The following TRAF3IP1 variants were observed in gnomAD, a reference collection of about 807,000 sequenced individuals.
TRAF3IP1 encodes the protein intraflagellar transport 54.
In TRAF3IP1, 53 loss-of-function variants were observed where a neutral mutation model predicts 89.9. That is an observed-to-expected ratio of 0.59 (90% CI 0.47 to 0.74). TRAF3IP1 has a LOEUF of 0.74. TRAF3IP1 is among the 30% of genes least tolerant of loss of function. TRAF3IP1 has a pLI of 0.00. For synonymous variants in TRAF3IP1, 311 were observed against 322.1 expected (o/e 0.97, Z 0.37); for missense variants, 806 against 866.1 (o/e 0.93, Z 0.87).
rs763410508 is a variant in TRAF3IP1, at chr2:238,344,500, C to T, written c.1163C>T (p.Thr388Ile). 6.2e-7 allele frequency: 1 copy of T among 1,613,554 alleles called. No individual in the cohort carries two copies. The highest frequency in any genetic ancestry group is 8.5e-7 in the Non-Finnish European group (1 of 1,179,494). ...ATTTTAAACTGTTTTATGTCAGGAA[C>T]AAAAGAAGCTAATATTAACTCAACT... is the stretch of plus-strand genomic sequence containing the variant. The part of the protein sequence containing the change: ...NQETTTSEIG[T>I]KEANINSTSI... Residue 388 changes from threonine (T) to isoleucine (I), a missense_variant, in exon 9 of 17, where the codon ACA (threonine) becomes ATA (isoleucine). By Grantham distance (89) the Thr-to-Ile change is moderately conservative (BLOSUM62 -1). Around this residue, in one of 3 missense-constraint regions of TRAF3IP1, gnomAD observed 732 missense variants for 780.5 expected, o/e 0.94. Coordinates refer to ENST00000373327, the MANE Select transcript of TRAF3IP1 (RefSeq NM_015650.4).
intron 10 of TRAF3IP1, among the ~76,000 whole-genome samples, chr2:238,347,721 G>A (rs566915533): frequency 6.6e-5 from 10 of 152,110 alleles, no homozygotes; most frequent in African/African-American, 2.4e-4. Context: ...TCTGCCTCCC[G>A]GGTTCAAGCA....
Position 238,379,692 on chromosome 2 carries a change from G to A in TRAF3IP1, c.1690-17767G>A, listed in dbSNP as rs1234469189. On this transcript the variant is annotated intron_variant, in intron 15 of 16. Transcript: ENST00000373327. This position sits in a 1 kb window ranked among gnomAD's most constrained non-coding sequence, Gnocchi z 4.0. The stretch of plus-strand genomic sequence containing the variant: ...CACATGCCAGCCATTCAGTTCAGTG[G>A]GTCTCTTGTTGCCCAGTAACTACCT... 2.6e-5 allele frequency among the ~76,000 whole-genome samples: 4 copies of A among 152,150 alleles called. No homozygotes were observed. Among genetic ancestry groups the A allele is most frequent in the African/African-American group, 9.7e-5 (4 of 41,436 alleles).
intron 11 of TRAF3IP1, among the ~76,000 whole-genome samples, 199 bp from the exon 12 acceptor site, chr2:238,349,126 A>G (rs1699031414): frequency 1.3e-5 from 2 of 152,162 alleles, no homozygotes; most frequent in Non-Finnish European, 2.9e-5. Flanking sequence ...ATTACTGAAA[A>G]TACAAGTGGA....
chr2:238,331,950 C>T (rs542164963), intron 5 of TRAF3IP1, among the ~76,000 whole-genome samples: 3 of 152,074 alleles, frequency 2.0e-5, no homozygotes, highest in African/African-American at 2.4e-5. Context: ...TGGGCTTTTG[C>T]GAAGAAGAGG....
In TRAF3IP1 at chr2:238,326,079, G is replaced by A. The variant is rs72978073; in HGVS notation, c.354+109G>A. ...GGTTTAGGGAAGGAGTTTCAGTGGT[G>A]TCTGTCAAACACTGTGCTTTGAATC... On this transcript the variant is annotated intron_variant, in intron 3 of 16. Transcript: ENST00000373327. 3.7e-3 allele frequency: 3,971 copies of A among 1,076,704 alleles called. 13 individuals carry two copies. The highest frequency in any genetic ancestry group is 4.6e-3 in the Admixed American group (172 of 37,338). 66.7% of individuals were successfully genotyped at this position (1,076,704 alleles called of 1,614,324 possible).
chr2:238,333,502 G>A (rs780368123), intron 6 of TRAF3IP1, among the ~76,000 whole-genome samples: 21 of 152,218 alleles, frequency 1.4e-4, no homozygotes, highest in Non-Finnish European at 2.8e-4. Flanking sequence ...GGCCAGTTAG[G>A]GGAGAGAGGT....
intron 11 of TRAF3IP1, 142 bp downstream of exon 11, chr2:238,348,990 T>A (rs1699024277): frequency 2.7e-6 from 2 of 727,306 alleles, no homozygotes; most frequent in African/African-American, 3.5e-5. Context: ...ACAAGAAGTA[T>A]ATCAGTTTTC....
At chr2:238,339,286 G>T (rs1698527146) in intron 8 of TRAF3IP1, among the ~76,000 whole-genome samples, 1 of 152,220 alleles carries the variant, frequency 6.6e-6, no homozygotes, top group Admixed American at 6.5e-5. Flanking sequence ...TATGGGAGTT[G>T]TCTGGGTCTT....
chr2:238,358,604 C>T (rs1574937192), intron 15 of TRAF3IP1, among the ~76,000 whole-genome samples: 4 of 152,328 alleles, frequency 2.6e-5, no homozygotes, highest in Admixed American at 2.6e-4. Context: ...GAGGGCAGTC[C>T]CCAGGATGAA....
intron 15 of TRAF3IP1, among the ~76,000 whole-genome samples, chr2:238,365,569 G>A (rs1247023578): frequency 6.6e-6 from 1 of 151,858 alleles, no homozygotes; most frequent in Non-Finnish European, 1.5e-5. Flanking sequence ...GAGGCAGAAG[G>A]ATGGCTTGAG....
At chr2:238,339,263 A>T (rs1698525281) in intron 8 of TRAF3IP1, among the ~76,000 whole-genome samples, 1 of 152,150 alleles carries the variant, frequency 6.6e-6, no homozygotes, top group Non-Finnish European at 1.5e-5. Context: ...TTTTATTCCA[A>T]GTAGGGTGAC....
chr2:238,347,507 T>C (rs1228720307), intron 10 of TRAF3IP1, 32 bp downstream of exon 10: 2 of 1,610,868 alleles, frequency 1.2e-6, no homozygotes, highest in Admixed American at 1.7e-5. Flanking sequence ...CTGTGTGTCA[T>C]ATCAATTGTA....
At chr2:238,388,122 C>G (rs1700848441) in intron 15 of TRAF3IP1, among the ~76,000 whole-genome samples, 1 of 151,522 alleles carries the variant, frequency 6.6e-6, no homozygotes, top group Admixed American at 6.6e-5. Flanking sequence ...GCCTGTTATC[C>G]CAACACTTTG....
At chr2:238,343,195 C>T (rs1353837765) in intron 8 of TRAF3IP1, among the ~76,000 whole-genome samples, 2 of 152,014 alleles carry the variant, frequency 1.3e-5, no homozygotes, top group Non-Finnish European at 2.9e-5. Flanking sequence ...AAGAGATTCT[C>T]CTGCCTTAGC....
Position 238,398,850 on chromosome 2 carries a change from C to T in TRAF3IP1, c.2007C>T (p.Ala669=). 5 of 1,613,310 alleles carry T rather than the reference C, an allele frequency of 3.1e-6. No homozygotes were observed. The highest frequency in any genetic ancestry group is 4.2e-6 in the Non-Finnish European group (5 of 1,179,710). ...AAGACAAGATCTGTGCTGTGAAGGCCAACATCCTCAAGAATGAAGAAAAAA... is the reference window on the plus strand; with the variant it reads ...AAGACAAGATCTGTGCTGTGAAGGCTAACATCCTCAAGAATGAAGAAAAAA... ...DQQDKICAVK[A]NILKNEEKIQ... Residue 669 remains alanine, a synonymous_variant, in exon 17 of 17, where the codon GCC becomes GCT. Transcript: ENST00000373327.
chr2:238,380,057 AC>A (rs1700479830), intron 15 of TRAF3IP1, among the ~76,000 whole-genome samples: 1 of 152,200 alleles, frequency 6.6e-6, no homozygotes, highest in Non-Finnish European at 1.5e-5. Flanking sequence ...GAACTTTACA[AC>A]CTTATGTCCT....
chr2:238,329,598 G>C (rs1698022736), intron 5 of TRAF3IP1, among the ~76,000 whole-genome samples: 1 of 152,208 alleles, frequency 6.6e-6, no homozygotes, highest in Non-Finnish European at 1.5e-5. Flanking sequence ...ATTATTCAGT[G>C]AGTTTTTAAC....
chr2:238,366,392 C>T (rs146993436), intron 15 of TRAF3IP1, among the ~76,000 whole-genome samples: 69 of 152,004 alleles, frequency 4.5e-4, no homozygotes, highest in African/African-American at 1.6e-3. Context: ...GGCCTTTTCT[C>T]TATAGACAAA....
rs903940002 is a variant in TRAF3IP1 at position 238,345,508 on chromosome 2, G to A, written c.1261+910G>A. ...GAGCCAGGTCCCTGTGCCAGCTTAT[G>A]GAGTTTAGCCTTTATTGGAAGAGCA... On this transcript the variant is annotated intron_variant, in intron 9 of 16. Transcript: ENST00000373327. The surrounding 1 kb of genome is among the most constrained non-coding windows in gnomAD (Gnocchi z 4.7). Among the ~76,000 whole-genome samples the A allele has an allele frequency of 6.6e-6, 1 of 152,266 alleles. No homozygotes were observed. The highest frequency in any genetic ancestry group is 1.5e-5 in the Non-Finnish European group (1 of 68,048).
Sources: allele counts gnomAD v4.1 joint callset (sites outside exome capture counted in the v4.1 genomes callset), GRCh38; gene constraint gnomAD v4.1.1; regional missense constraint gnomAD v4.1.1; non-coding constraint Gnocchi (gnomAD v3.1); transcripts MANE v1.5; gene names NCBI Gene and HGNC (gene_info 2026-07-23, HGNC 2026-07-21).